VGLL4: variants seen among roughly 807,000 people sequenced by gnomAD.
The protein encoded by VGLL4 is vestigial like family member 4.
A neutral mutation model predicts 21.0 loss-of-function variants in VGLL4; 7 were observed. The observed-to-expected ratio is 0.33, with a 90% CI of 0.19 to 0.63. The LOEUF is 0.63. Ranked by LOEUF, VGLL4 falls within the 20% of genes least tolerant of loss-of-function variation. VGLL4 has a pLI of 0.78. For synonymous variants in VGLL4, 222 were observed against 173.2 expected, an observed-to-expected ratio of 1.28 and a Z score of -2.21; for missense variants, 394 against 425.7, an observed-to-expected ratio of 0.93 and a Z score of 0.66.
chr3:11,629,544 G>A (rs1304004118), intron 1 of VGLL4, among the ~76,000 whole-genome samples: 1 of 152,000 alleles, frequency 6.6e-6, no homozygotes, highest in Non-Finnish European at 1.5e-5. Context: ...ATCACCTGAG[G>A]TCAGGAGTTC....
intron 1 of VGLL4, chr3:11,626,542 C>T: frequency 2.4e-6 from 1 of 410,998 alleles, no homozygotes; most frequent in Non-Finnish European, 4.8e-6. Context: ...TTGAAGGTAC[C>T]ATGACTATTC....
intron 1 of VGLL4, among the ~76,000 whole-genome samples, chr3:11,631,497 C>A (rs370960682): frequency 6.6e-6 from 1 of 152,116 alleles, no homozygotes; most frequent in South Asian, 2.1e-4. Context: ...CATCAACTAA[C>A]AACAAATCAG....
At position 11,558,481 on chromosome 3, in the gene VGLL4, T is replaced by C; in HGVS notation, c.*75A>G. The C allele has an allele frequency of 6.8e-7, 1 of 1,480,570 alleles. No homozygotes were observed. The highest frequency in any genetic ancestry group is 9.0e-7 in the Non-Finnish European group (1 of 1,115,220). 91.7% of individuals were successfully genotyped at this position (1,480,570 alleles called of 1,614,324 possible). A position where few individuals can be genotyped will look rare whatever the true frequency, so the allele number is the denominator to read the frequency against. On this transcript the variant is annotated 3_prime_UTR_variant, in exon 5 of 5. Transcript: ENST00000430365. ...CCCCCACCCCACCCCCATGATTTTT[T>C]TTTTTTTAAGTACTGACTGTTCAAA...
At chr3:11,674,955 C>T (rs2076269283) in intron 2 of VGLL4, among the ~76,000 whole-genome samples, 1 of 152,172 alleles carries the variant, frequency 6.6e-6, no homozygotes, top group African/African-American at 2.4e-5. Flanking sequence ...TATTCTCCCT[C>T]GATGATGTGA....
chr3:11,583,066 G>A (rs2074275393), intron 2 of VGLL4, among the ~76,000 whole-genome samples: 1 of 152,200 alleles, frequency 6.6e-6, no homozygotes, highest in South Asian at 2.1e-4. Flanking sequence ...GCCCGGAGAA[G>A]TGAAGCAGAA....
chr3:11,711,548 C>A (rs1047534020), intron 1 of VGLL4, among the ~76,000 whole-genome samples: 2 of 148,432 alleles, frequency 1.3e-5, no homozygotes, highest in African/African-American at 5.0e-5. Flanking sequence ...GCCTGGGCTC[C>A]ATCTCAAAAA....
intron 2 of VGLL4, among the ~76,000 whole-genome samples, chr3:11,589,550 G>A (rs1295295893): frequency 1.3e-5 from 2 of 152,150 alleles, no homozygotes; most frequent in East Asian, 1.9e-4. Flanking sequence ...ATATTTATGG[G>A]GCAAGTATGC....
At chr3:11,707,361 A>C (rs1244147673) in intron 1 of VGLL4, among the ~76,000 whole-genome samples, 1 of 144,372 alleles carries the variant, frequency 6.9e-6, no homozygotes, top group Non-Finnish European at 1.5e-5. Context: ...AAGACGAAGA[A>C]GTTCTGTGTA....
intron 2 of VGLL4, among the ~76,000 whole-genome samples, chr3:11,567,284 G>T (rs921332987): frequency 6.6e-6 from 1 of 152,180 alleles, no homozygotes; most frequent in African/African-American, 2.4e-5. Context: ...GCGCAGTGCA[G>T]CCCTCAGTGA....
chr3:11,610,931 G>A (rs75098101), intron 1 of VGLL4, among the ~76,000 whole-genome samples: 2,196 of 152,290 alleles, frequency 0.014, 51 homozygotes, highest in African/African-American at 0.05. Flanking sequence ...AAGAGCTCCC[G>A]CCTTGCAGCC....
At chr3:11,573,248 A>AG (rs552657674) in intron 2 of VGLL4, among the ~76,000 whole-genome samples, 2 of 5,706 alleles carry the variant, frequency 3.5e-4, no homozygotes, top group African/African-American at 1.4e-3. Context: ...AGAAATAGAG[A>AG]AAGAAAGAAA....
intron 1 of VGLL4, among the ~76,000 whole-genome samples, chr3:11,712,114 C>A (rs2076854531): frequency 6.6e-6 from 1 of 152,246 alleles, no homozygotes; most frequent in Non-Finnish European, 1.5e-5. Context: ...TTTTTCTTCT[C>A]GCACTTTACC....
At chr3:11,573,299 GAAA>G (rs1559869903) in intron 2 of VGLL4, among the ~76,000 whole-genome samples, 3,141 of 16,936 alleles carry the variant, frequency 0.19, 335 homozygotes, top group Middle Eastern at 0.26. Flanking sequence ...AAGAAAGAAA[GAAA>G]GAAAGGAAGG....
chr3:11,646,065 G>A (rs1368252276), upstream of VGLL4, among the ~76,000 whole-genome samples: 1 of 152,156 alleles, frequency 6.6e-6, no homozygotes, highest in Non-Finnish European at 1.5e-5. Flanking sequence ...GGTGACATCA[G>A]GGGAAGTAAG....
At chr3:11,717,495 T>TTTTTTTTTTTTG (rs2076936215) in intron 1 of VGLL4, among the ~76,000 whole-genome samples, 1 of 140,162 alleles carries the variant, frequency 7.1e-6, no homozygotes, top group African/African-American at 2.8e-5. Flanking sequence ...TACAGATTTT[T>TTTTTTTTTTTTG]TTTTTTTTTT....
At chr3:11,597,764 A>G (rs1278179046) in intron 2 of VGLL4, among the ~76,000 whole-genome samples, 2 of 152,148 alleles carry the variant, frequency 1.3e-5, no homozygotes, top group African/African-American at 4.8e-5. Context: ...ACCCAATGAA[A>G]GCCTTCTTCC....
rs1246859700 is a variant in VGLL4 at position 11,635,972 on chromosome 3, G to C, written c.82+7465C>G. ...AAAATAAAACAAAGGTTCTTTCTGG[G>C]GTCAGCCAATAGTTTATCAGTGGCT... On this transcript the variant is annotated intron_variant, in intron 1 of 4. Transcript: ENST00000430365. 2.0e-5 allele frequency among the ~76,000 whole-genome samples: 3 copies of C among 152,024 alleles called. 1 individual carries two copies. Among genetic ancestry groups the C allele is most frequent in the Admixed American group, 2.0e-4 (3 of 15,252 alleles).
chr3:11,644,027 T>C (rs879502075), upstream of VGLL4: 20 of 978,570 alleles, frequency 2.0e-5, no homozygotes, highest in Non-Finnish European at 2.4e-5. Context: ...AGCCTCTCAA[T>C]GTAGCAAGTG....
chr3:11,632,408 C>T (rs1019991140), intron 1 of VGLL4, among the ~76,000 whole-genome samples: 3 of 152,142 alleles, frequency 2.0e-5, no homozygotes, highest in African/African-American at 7.2e-5. Context: ...TTTCATCTTT[C>T]TTTTTAAAAA....
Sources: allele counts gnomAD v4.1 joint callset (sites outside exome capture counted in the v4.1 genomes callset), GRCh38; gene constraint gnomAD v4.1.1; transcripts MANE v1.5; gene names NCBI Gene and HGNC (gene_info 2026-07-23, HGNC 2026-07-21).